Variants in MECOM observed in about 807,000 individuals in gnomAD.
MECOM encodes MDS1 and EVI1 complex locus.
Under a neutral mutation model 116.3 loss-of-function variants are expected in MECOM, and 13 were observed. That is an observed-to-expected ratio of 0.11 (90% CI 0.07 to 0.18). The LOEUF is 0.18. MECOM is among the 10% of genes least tolerant of loss of function. MECOM has a pLI of 1.00. For missense variants in MECOM, 1,299 were observed against 1,509.0 expected (o/e 0.86, Z 2.31); for synonymous variants, 528 against 535.2 (o/e 0.99, Z 0.19).
rs139663188 is a variant in MECOM at position 169,101,045 on chromosome 3, T to A, written c.2772-83A>T. The A allele has an allele frequency of 2.1e-4, 179 of 840,748 alleles. No homozygotes were observed. The African/African-American group carries it at 2.7e-3, about 13-fold the overall frequency. The allele number at this position is 840,748 out of a possible 1,614,324, so 52.1% of individuals were successfully genotyped here. On this transcript the variant is annotated intron_variant, in intron 11 of 16. Coordinates refer to ENST00000651503, the MANE Select transcript of MECOM (RefSeq NM_004991.4). The stretch of plus-strand genomic sequence containing the variant: ...TGCCACACAGCAGCCAGATGCTTAT[T>A]CCTGATTCAATTAATCTTGCATGGA...
intron 2 of MECOM, among the ~76,000 whole-genome samples, chr3:169,366,763 G>A (rs1212223751): frequency 1.3e-5 from 2 of 151,996 alleles, no homozygotes; most frequent in Non-Finnish European, 2.9e-5. Context: ...TCATTGCCAT[G>A]CCATGCACAC....
At chr3:169,310,691 T>A (rs1038872299) in intron 2 of MECOM, among the ~76,000 whole-genome samples, 13 of 152,232 alleles carry the variant, frequency 8.5e-5, no homozygotes, top group Non-Finnish European at 1.5e-4. Context: ...TTGACTGATC[T>A]ACAGTCTCCT....
At chr3:169,107,901 T>C in intron 10 of MECOM, 25 bp downstream of exon 10, 1 of 1,605,532 alleles carries the variant, frequency 6.2e-7, no homozygotes, top group South Asian at 1.1e-5. Flanking sequence ...ATCACTTTAG[T>C]CAAAAATATA....
chr3:169,519,581 G>A (rs1757111410), intron 1 of MECOM, among the ~76,000 whole-genome samples: 1 of 152,188 alleles, frequency 6.6e-6, no homozygotes, highest in South Asian at 2.1e-4. Context: ...TCAGTATCTG[G>A]CTCTTGGCAA....
chr3:169,199,612 G>T (rs1325949058), intron 2 of MECOM, among the ~76,000 whole-genome samples: 1 of 151,892 alleles, frequency 6.6e-6, no homozygotes, highest in African/African-American at 2.4e-5. Context: ...GCATTATAAT[G>T]CAATTTAGGC....
chr3:169,417,133 T>C (rs1738775410), intron 1 of MECOM, among the ~76,000 whole-genome samples: 2 of 151,426 alleles, frequency 1.3e-5, no homozygotes, highest in South Asian at 4.2e-4. Context: ...AAAGAGCTTC[T>C]GCACAGCAAA....
intron 2 of MECOM, among the ~76,000 whole-genome samples, chr3:169,176,273 A>G (rs560488567): frequency 7.0e-4 from 107 of 152,230 alleles, no homozygotes; most frequent in Non-Finnish European, 1.2e-3. Flanking sequence ...TACACAGGGG[A>G]AGGATCAGGG....
chr3:169,259,371 A>C (rs1757255814), intron 2 of MECOM, among the ~76,000 whole-genome samples: 1 of 152,206 alleles, frequency 6.6e-6, no homozygotes, highest in Admixed American at 6.5e-5. Flanking sequence ...GCCTAAGGGC[A>C]TCATTTAGTG....
chr3:169,330,582 T>C (rs185023061), intron 2 of MECOM, among the ~76,000 whole-genome samples: 219 of 152,268 alleles, frequency 1.4e-3, no homozygotes, highest in Middle Eastern at 0.01. Flanking sequence ...TGATAGATTA[T>C]AGCCTCATCT....
intron 1 of MECOM, among the ~76,000 whole-genome samples, chr3:169,641,471 A>G (rs907467659): frequency 1.3e-5 from 2 of 152,176 alleles, no homozygotes; most frequent in Non-Finnish European, 2.9e-5. Flanking sequence ...CTATTCATTG[A>G]GGGTTTCACT....
chr3:169,599,359 C>CA (rs1418759344), intron 1 of MECOM, among the ~76,000 whole-genome samples: 13 of 151,898 alleles, frequency 8.6e-5, no homozygotes, highest in Non-Finnish European at 1.8e-4. Context: ...ACTTAAAATA[C>CA]AAAAATCAGC....
At chr3:169,263,109 A>ATG (rs1757778712) in intron 2 of MECOM, among the ~76,000 whole-genome samples, 2 of 70,588 alleles carry the variant, frequency 2.8e-5, no homozygotes, top group Non-Finnish European at 2.3e-5. Flanking sequence ...ATATATATAT[A>ATG]TATATATATA....
At chr3:169,297,393 T>C (rs570068995) in intron 2 of MECOM, among the ~76,000 whole-genome samples, 13 of 152,250 alleles carry the variant, frequency 8.5e-5, no homozygotes, top group Non-Finnish European at 1.9e-4. Flanking sequence ...TTTCTTATTC[T>C]ATCAATCATT....
chr3:169,348,583 G>A (rs138049753), intron 2 of MECOM, among the ~76,000 whole-genome samples: 40 of 152,034 alleles, frequency 2.6e-4, no homozygotes, highest in African/African-American at 9.4e-4. Context: ...CTTTAAAGAT[G>A]AGTGGTATTA....
chr3:169,608,584 C>T (rs865901479), intron 1 of MECOM, among the ~76,000 whole-genome samples: 8 of 152,082 alleles, frequency 5.3e-5, no homozygotes, highest in South Asian at 2.1e-4. Flanking sequence ...TGTACCAGTG[C>T]CTGGCAAAAG....
chr3:169,399,903 A>C (rs984478259), intron 1 of MECOM, among the ~76,000 whole-genome samples: 1 of 152,212 alleles, frequency 6.6e-6, no homozygotes, highest in Non-Finnish European at 1.5e-5. Flanking sequence ...AAATTTTCTT[A>C]CTTGGGATCT....
Position 169,483,210 on chromosome 3 carries a change from T to A in MECOM, c.38-101686A>T, listed in dbSNP as rs1049412852. 1.3e-3 allele frequency among the ~76,000 whole-genome samples: 187 copies of A among 148,208 alleles called. 1 individual carries two copies. Among genetic ancestry groups the A allele is most frequent in the African/African-American group, 3.8e-3 (148 of 38,858 alleles). On this transcript the variant is annotated intron_variant, in intron 1 of 16. Coordinates refer to ENST00000651503, the MANE Select transcript of MECOM (RefSeq NM_004991.4). ...GTTTTATTTTTATTTTTATTTTTTT[T>A]TTTTTTTTGCCCAGAAACCCGCATT...
intron 1 of MECOM, among the ~76,000 whole-genome samples, chr3:169,386,047 G>C (rs1733270267): frequency 6.6e-6 from 1 of 152,138 alleles, no homozygotes; most frequent in Admixed American, 6.5e-5. Context: ...AATTGCTCTT[G>C]GAAGTCAACC....
chr3:169,097,459 C>A (rs1721982182), intron 12 of MECOM, among the ~76,000 whole-genome samples: 1 of 152,020 alleles, frequency 6.6e-6, no homozygotes, highest in Non-Finnish European at 1.5e-5. Context: ...TACTATTAAG[C>A]CTTCCTAGTT....
Sources: gnomAD v4.1 joint callset for allele counts (sites outside exome capture counted in the v4.1 genomes callset) on GRCh38, gnomAD v4.1.1 for gene constraint, MANE v1.5 for transcripts, NCBI Gene and HGNC (gene_info 2026-07-23, HGNC 2026-07-21) for gene names.